The following LAMA5 variants were observed in gnomAD, a reference collection of about 807,000 sequenced individuals.
LAMA5 encodes laminin subunit alpha-5.
A neutral mutation model predicts 433.4 loss-of-function variants in LAMA5; 260 were observed. That is an observed-to-expected ratio of 0.60 (90% CI 0.54 to 0.66). The LOEUF (loss-of-function observed/expected upper bound fraction) is 0.66, where lower values mean the gene tolerates loss of function less well. Ranked by LOEUF, LAMA5 falls within the 30% of genes least tolerant of loss-of-function variation. LAMA5 has a pLI of 0.00. For missense variants in LAMA5, 5,378 were observed against 5,258.5 expected, an observed-to-expected ratio of 1.02 and a Z score of -0.70; for synonymous variants, 2,620 against 2,226.6, an observed-to-expected ratio of 1.18 and a Z score of -4.97.
Position 62,324,242 on chromosome 20 carries a change from C to CTA in LAMA5, c.5644-39_5644-38insTA. 6.3e-7 allele frequency: 1 copy of CTA among 1,574,820 alleles called. No individual in the cohort carries two copies. Among genetic ancestry groups the CTA allele is most frequent in the South Asian group, 1.2e-5 (1 of 85,820 alleles). ...GGACAGTCAGAGCTATGGTGGACAC[C>CTA]CACATCCTACTGCCGAGTCTGTGCA... On this transcript the variant is annotated intron_variant, in intron 42 of 79. Coordinates refer to ENST00000252999, the MANE Select transcript of LAMA5 (RefSeq NM_005560.6). The surrounding 1 kb of genome is among the most constrained non-coding windows in gnomAD (Gnocchi z 4.4).
chr20:62,327,424 T>G lies in LAMA5; in HGVS notation c.4939-18A>C, dbSNP rs908199213. 3.1e-6 allele frequency: 5 copies of G among 1,589,072 alleles called. No homozygotes were observed. Among genetic ancestry groups the G allele is most frequent in the Non-Finnish European group, 4.3e-6 (5 of 1,165,272 alleles). ...TCCACGAACTGTGGGCACACACGTG[T>G]GGCTGCACACGGGTGGATGCCCACA... On this transcript the variant is annotated intron_variant, in intron 37 of 79. Coordinates refer to ENST00000252999, the MANE Select transcript of LAMA5 (RefSeq NM_005560.6).
In LAMA5 at chr20:62,326,932, A is replaced by C. The variant is rs189209648; in HGVS notation, c.5147T>G (p.Leu1716Arg). 298 of 1,611,468 alleles carry C rather than the reference A, an allele frequency of 1.8e-4. 4 individuals are homozygous for C. The East Asian group carries it at 5.8e-3, about 32-fold the overall frequency. ...SSYGGTLRYE[L>R]HSETQRGDVF... ...ATCTCCCCGCTGGGTCTCTGAGTGC[A>C]GTTCATAACGGAGGGTCCCACCGTA... Residue 1716 changes from leucine (L) to arginine (R), a missense_variant, in exon 39 of 80, where the codon CTG (leucine) becomes CGG (arginine). Leu to Arg is a moderately radical substitution (Grantham distance 102). Coordinates refer to ENST00000252999, the MANE Select transcript of LAMA5 (RefSeq NM_005560.6).
rs1986991443 is a variant in LAMA5, at chr20:62,316,862, G to A, written c.7653+20C>T. On this transcript the variant is annotated intron_variant, in intron 56 of 79. Transcript: ENST00000252999. ...GTGGGGGCGCTCCTGCTGGGGCTGA[G>A]GGGAAGTGAGGGGCCTCACCGCCCA... is the stretch of plus-strand genomic sequence containing the variant. 1.3e-6 allele frequency: 2 copies of A among 1,531,190 alleles called. No individual in the cohort carries two copies. The highest frequency in any genetic ancestry group is 2.7e-5 in the African/African-American group (2 of 73,524). The allele number at this position is 1,531,190 out of a possible 1,614,324, so 94.9% of individuals were successfully genotyped here. A position where few individuals can be genotyped will look rare whatever the true frequency, so the allele number is the denominator to read the frequency against.
chr20:62,315,216 G>A lies in LAMA5; in HGVS notation c.7868-9C>T. The A allele has an allele frequency of 6.3e-7, 1 of 1,596,280 alleles. No homozygotes were observed. The highest frequency in any genetic ancestry group is 8.5e-7 in the Non-Finnish European group (1 of 1,170,474). ...CTTCTTGCTTGTCTCGTCTGTGGTGGGCAGAGGGCAGGCTCAGCAGGGGCC... is the reference window on the plus strand; with the variant it reads ...CTTCTTGCTTGTCTCGTCTGTGGTGAGCAGAGGGCAGGCTCAGCAGGGGCC... On this transcript the variant is annotated splice_polypyrimidine_tract_variant and intron_variant, in intron 58 of 79. Transcript: ENST00000252999.
At chr20:62,317,253 C>T (rs918129805) in intron 55 of LAMA5, 92 bp downstream of exon 55, 11 of 1,362,880 alleles carry the variant, frequency 8.1e-6, no homozygotes, top group Middle Eastern at 2.6e-4. Context: ...CGGCCTCAGC[C>T]CCTAGGAGCC....
Position 62,317,726 on chromosome 20 carries a change from T to G in LAMA5, c.7292A>C (p.His2431Pro), listed in dbSNP as rs76350903. ...GCTGGCCAGGGTGTCCCTAGCCGCA[T>G]GCAGAGTGGCCTGCAGGGTGGCATT... ...RDNATLQATLHAARDTLASVF... is the reference protein window; with the variant it reads ...RDNATLQATLPAARDTLASVF... Residue 2431 changes from histidine to proline, a missense_variant, in exon 54 of 80, where the codon CAT becomes CCT. Transcript: ENST00000252999. The G allele has an allele frequency of 9.5e-5, 152 of 1,607,376 alleles. No homozygotes were observed. The highest frequency in any genetic ancestry group is 1.2e-4 in the Non-Finnish European group (147 of 1,177,880).
intron 28 of LAMA5, among the ~76,000 whole-genome samples, chr20:62,331,415 C>T (rs953410567): frequency 2.6e-5 from 4 of 152,220 alleles, no homozygotes; most frequent in Non-Finnish European, 4.4e-5. Context: ...GATGCCCTTG[C>T]TCCTCCTCCA....
chr20:62,352,248 G>A lies in LAMA5; in HGVS notation c.681C>T (p.Asn227=), dbSNP rs1032994376. Residue 227 remains asparagine, a synonymous_variant, in exon 4 of 80, where the codon AAC becomes AAT. Coordinates refer to ENST00000252999, the MANE Select transcript of LAMA5 (RefSeq NM_005560.6). The part of the protein sequence containing the change: ...TEYSRIVPLE[N]GEIVVSLVNG... ...CTGCCCCTCCCCGGCCCACCTCTCC[G>A]TTCTCCAGGGGCACGATGCGTGAGT... is the stretch of plus-strand genomic sequence containing the variant. 1.3e-6 allele frequency: 2 copies of A among 1,598,338 alleles called. No individual in the cohort carries two copies. The highest frequency in any genetic ancestry group is 2.2e-5 in the East Asian group (1 of 44,826).
chr20:62,320,431 C>G (rs1349814566), intron 50 of LAMA5, 128 bp downstream of exon 50: 1 of 678,282 alleles, frequency 1.5e-6, no homozygotes, highest in East Asian at 2.7e-5. Context: ...CTAAGACTCT[C>G]GAGCTCCTGT....
chr20:62,355,039 G>A (rs903507582), intron 2 of LAMA5, among the ~76,000 whole-genome samples: 1 of 152,198 alleles, frequency 6.6e-6, no homozygotes, highest in Non-Finnish European at 1.5e-5. Context: ...CCCCTGACGG[G>A]CCCACAGGGT....
At chr20:62,349,092 A>T (rs1348601580) in intron 6 of LAMA5, among the ~76,000 whole-genome samples, 1 of 151,392 alleles carries the variant, frequency 6.6e-6, no homozygotes, top group Non-Finnish European at 1.5e-5. Flanking sequence ...ACATGGTGAA[A>T]CCCCGTTTCT....
At position 62,330,619 on chromosome 20, in the gene LAMA5, A is replaced by AAGACCACGGTGGCCTGCG. The variant is rs767005393; in HGVS notation, c.3853-6_3853-5insCGCAGGCCACCGTGGTCT. ...GGTGGTGAAGACCACGGTGGCCTGC[A>AAGACCACGGTGGCCTGCG]GGGATAGGCCCTAGTGAGCAGGCTG... On this transcript the variant is annotated splice_region_variant and splice_polypyrimidine_tract_variant and intron_variant, in intron 30 of 79. Coordinates refer to ENST00000252999, the MANE Select transcript of LAMA5 (RefSeq NM_005560.6). 3.8e-6 allele frequency: 6 copies of AAGACCACGGTGGCCTGCG among 1,588,488 alleles called. No homozygotes were observed. Among genetic ancestry groups the AAGACCACGGTGGCCTGCG allele is most frequent in the Non-Finnish European group, 4.3e-6 (5 of 1,169,052 alleles).
At position 62,332,668 on chromosome 20, in the gene LAMA5, A is replaced by T; in HGVS notation, c.3332T>A (p.Leu1111Gln). The T allele has an allele frequency of 6.2e-7, 1 of 1,611,160 alleles. No individual in the cohort carries two copies. Among genetic ancestry groups the T allele is most frequent in the Non-Finnish European group, 8.5e-7 (1 of 1,179,260 alleles). Residue 1111 changes from leucine to glutamine, a missense_variant, in exon 27 of 80, where the codon CTA (leucine) becomes CAA (glutamine). Coordinates refer to ENST00000252999, the MANE Select transcript of LAMA5 (RefSeq NM_005560.6). Reference sequence around the variant, plus strand: ...ATCCTCATTGGCGTACTCCACCACTAGGGCATAGCGGCCTGGCTGTGGCAC... The same window carrying T: ...ATCCTCATTGGCGTACTCCACCACTTGGGCATAGCGGCCTGGCTGTGGCAC... ...VAVPQPGRYALVVEYANEDAR... is the reference protein window; with the variant it reads ...VAVPQPGRYAQVVEYANEDAR...
Position 62,327,420 on chromosome 20 carries a change from C to T in LAMA5, c.4939-14G>A, listed in dbSNP as rs535423900. 135 of 1,588,718 alleles carry T rather than the reference C, an allele frequency of 8.5e-5. No homozygotes were observed. Among genetic ancestry groups the T allele is most frequent in the South Asian group, 7.4e-4 (65 of 87,894 alleles). On this transcript the variant is annotated splice_polypyrimidine_tract_variant and intron_variant, in intron 37 of 79. Coordinates refer to ENST00000252999, the MANE Select transcript of LAMA5 (RefSeq NM_005560.6). ...CATATCCACGAACTGTGGGCACACA[C>T]GTGTGGCTGCACACGGGTGGATGCC...
In LAMA5 at chr20:62,333,172, T is replaced by C; in HGVS notation, c.3200A>G (p.Gln1067Arg). ...SAAGLEALCRQDNSLPRPCPT... is the reference protein window; with the variant it reads ...SAAGLEALCRRDNSLPRPCPT... ...GCAGGGCCGGGGCAGGCTGTTGTCC[T>C]GGCGACACAGGGCCTCCAGCCCGGC... The change falls in exon 26 of 80, where the codon CAG becomes CGG. Residue 1067 changes from glutamine to arginine, a missense_variant. Physicochemically the swap from Gln to Arg is conservative, Grantham distance 43 (BLOSUM62 1). Transcript: ENST00000252999. 1.3e-6 allele frequency: 2 copies of C among 1,518,792 alleles called. No homozygotes were observed. The highest frequency in any genetic ancestry group is 8.8e-7 in the Non-Finnish European group (1 of 1,134,684). 94.1% of individuals were successfully genotyped at this position (1,518,792 alleles called of 1,614,324 possible).
Position 62,326,947 on chromosome 20 carries a change from G to T in LAMA5, c.5132C>A (p.Thr1711Asn). 6.2e-7 allele frequency: 1 copy of T among 1,609,514 alleles called. No individual in the cohort carries two copies. The highest frequency in any genetic ancestry group is 8.5e-7 in the Non-Finnish European group (1 of 1,177,398). The part of the protein sequence containing the change: ...LGDRVSSYGG[T>N]LRYELHSETQ... ...CTCTGAGTGCAGTTCATAACGGAGG[G>T]TCCCACCGTAGGATGACACCTGGAG... The change falls in exon 39 of 80, where the codon ACC (threonine) becomes AAC (asparagine). Residue 1711 changes from threonine to asparagine, a missense_variant. Physicochemically the swap from Thr to Asn is moderately conservative, Grantham distance 65. Transcript: ENST00000252999.
At chr20:62,315,596 C>A (rs891932873) in intron 58 of LAMA5, among the ~76,000 whole-genome samples, 1 of 152,164 alleles carries the variant, frequency 6.6e-6, no homozygotes, top group Non-Finnish European at 1.5e-5. Context: ...TCCTCACCGC[C>A]CAAGGTCTTG....
intron 18 of LAMA5, among the ~76,000 whole-genome samples, chr20:62,335,519 C>T (rs1266310606): frequency 1.4e-5 from 2 of 147,384 alleles, no homozygotes; most frequent in Non-Finnish European, 3.0e-5. Context: ...AAATCCCATA[C>T]CCCAATACTC....
At position 62,329,036 on chromosome 20, in the gene LAMA5, A is replaced by G; in HGVS notation, c.4255T>C (p.Phe1419Leu). The G allele has an allele frequency of 6.2e-7, 1 of 1,612,720 alleles. No individual in the cohort carries two copies. Among genetic ancestry groups the G allele is most frequent in the Non-Finnish European group, 8.5e-7 (1 of 1,179,898 alleles). ...YHISPSSSSL[F>L]CRNAAASLSL... ...AGGGAAGCAGCAGCGTTTCGGCAGA[A>G]CAGGGATGAGCTGCTGGGGCTACAT... Residue 1419 changes from phenylalanine (F) to leucine (L), a missense_variant, in exon 34 of 80, where the codon TTC becomes CTC. By Grantham distance (22) the Phe-to-Leu change is conservative. Coordinates refer to ENST00000252999, the MANE Select transcript of LAMA5 (RefSeq NM_005560.6).
Sources: allele counts gnomAD v4.1 joint callset (sites outside exome capture counted in the v4.1 genomes callset), GRCh38; gene constraint gnomAD v4.1.1; non-coding constraint Gnocchi (gnomAD v3.1); transcripts MANE v1.5; gene names NCBI Gene and HGNC (gene_info 2026-07-23, HGNC 2026-07-21).